The following DLG5 variants were observed in gnomAD, a reference collection of about 807,000 sequenced individuals.
DLG5 encodes the protein disks large homolog 5.
DLG5 carries 48 observed loss-of-function variants against 189.8 expected under a neutral mutation model. That is an observed-to-expected ratio of 0.25 (90% confidence interval 0.20 to 0.32). The LOEUF is 0.32. DLG5 is among the 10% of genes least tolerant of loss of function. The pLI, the probability that DLG5 is intolerant of heterozygous loss-of-function variation, is 1.00. For missense variants in DLG5, 2,160 were observed against 2,544.7 expected (o/e 0.85, Z 3.25); for synonymous variants, 1,016 against 1,054.1 (o/e 0.96, Z 0.70).
chr10:77,837,749 T>C (rs944479018), intron 7 of DLG5, among the ~76,000 whole-genome samples: 1 of 152,222 alleles, frequency 6.6e-6, no homozygotes, highest in Non-Finnish European at 1.5e-5. Flanking sequence ...CTGGCTCCTC[T>C]ACCCCAGGCT....
intron 1 of DLG5, among the ~76,000 whole-genome samples, chr10:77,919,448 C>T (rs1319873688): frequency 1.3e-5 from 2 of 151,334 alleles, no homozygotes; most frequent in African/African-American, 4.9e-5. Flanking sequence ...CAGGAATGAG[C>T]AAGTCTCCCG....
chr10:77,807,021 T>C, intron 25 of DLG5, 93 bp from the exon 26 acceptor site: 1 of 1,429,700 alleles, frequency 7.0e-7, no homozygotes, highest in Non-Finnish European at 9.6e-7. Context: ...AAGGCTGCCA[T>C]TCTGCTTTGG....
chr10:77,937,318 C>A, the DLG5 span, among the ~76,000 whole-genome samples: 1 of 152,220 alleles, frequency 6.6e-6, no homozygotes, highest in Non-Finnish European at 1.5e-5. Flanking sequence ...CTGACCTTGC[C>A]TTTCCCTCCC....
intron 1 of DLG5, among the ~76,000 whole-genome samples, chr10:77,880,066 G>A (rs1193122012): frequency 6.6e-6 from 1 of 152,180 alleles, no homozygotes; most frequent in African/African-American, 2.4e-5. Flanking sequence ...GAATGAACCT[G>A]AGCATGCAGG....
At chr10:77,827,522 C>T (rs926785977) in intron 13 of DLG5, among the ~76,000 whole-genome samples, 6 of 152,192 alleles carry the variant, frequency 3.9e-5, no homozygotes, top group African/African-American at 9.6e-5. Context: ...CACCGTGCCC[C>T]GCTGGCATTT....
chr10:77,857,030 T>G (rs1014675597), intron 2 of DLG5, 138 bp from the exon 3 acceptor site: 1 of 748,490 alleles, frequency 1.3e-6, no homozygotes, highest in African/African-American at 1.8e-5. Flanking sequence ...CTTTCACAGA[T>G]GAGAACACTG....
At chr10:77,874,035 G>A (rs750668216) in intron 1 of DLG5, among the ~76,000 whole-genome samples, 5 of 152,224 alleles carry the variant, frequency 3.3e-5, no homozygotes, top group Non-Finnish European at 4.4e-5. Context: ...CAGAATGACC[G>A]AAGGTGCCCA....
chr10:77,811,050 A>C, intron 23 of DLG5, 44 bp downstream of exon 23: 1 of 1,589,882 alleles, frequency 6.3e-7, no homozygotes. Context: ...AGCCCCACCC[A>C]GCCGAAGCGG....
intron 2 of DLG5, among the ~76,000 whole-genome samples, chr10:77,858,356 C>T (rs1354347005): frequency 2.0e-5 from 3 of 151,890 alleles, no homozygotes; most frequent in Non-Finnish European, 4.4e-5. Context: ...AAAAATTAGC[C>T]AAGAGTGGTG....
intron 1 of DLG5, among the ~76,000 whole-genome samples, chr10:77,888,533 C>T (rs757415516): frequency 3.3e-5 from 5 of 152,132 alleles, no homozygotes; most frequent in African/African-American, 4.8e-5. Flanking sequence ...CGGAGCTTTG[C>T]GACATAGTTT....
intron 1 of DLG5, among the ~76,000 whole-genome samples, chr10:77,887,118 C>A (rs1005827595): frequency 2.0e-5 from 3 of 152,196 alleles, no homozygotes; most frequent in Non-Finnish European, 4.4e-5. Context: ...CACCCACATA[C>A]ACTATCTCAC....
the DLG5 span, among the ~76,000 whole-genome samples, chr10:77,935,113 C>T: frequency 1.8e-4 from 28 of 152,136 alleles, 1 homozygote; most frequent in African/African-American, 6.3e-4. Flanking sequence ...GCCTCGGCGT[C>T]CCAAAGTGCT....
intron 1 of DLG5, among the ~76,000 whole-genome samples, chr10:77,887,516 G>GA (rs1377363876): frequency 4.7e-5 from 7 of 150,490 alleles, no homozygotes; most frequent in East Asian, 1.9e-4. Flanking sequence ...TTGGTAGTCA[G>GA]AAAAAAAAAT....
intron 1 of DLG5, among the ~76,000 whole-genome samples, chr10:77,908,086 A>T (rs550788215): frequency 4.5e-4 from 69 of 152,244 alleles, no homozygotes; most frequent in African/African-American, 1.6e-3. Context: ...TGAGGACATG[A>T]GGCCTGGAAA....
At position 77,821,269 on chromosome 10, in the gene DLG5, C is replaced by T. The variant is rs144032881; in HGVS notation, c.3215G>A (p.Arg1072His). ...TTCAGGGTAGTAGCTGGAAGCAATG[C>T]GGACCCTGGCCTTGCGAGGGGGTGA... ...HASPPRKARV[R>H]IASSYYPEGD... Residue 1072 changes from arginine to histidine, a missense_variant, in exon 15 of 32, where the codon CGC (arginine) becomes CAC (histidine). Around this residue, in one of 5 missense-constraint regions of DLG5, gnomAD observed 754 missense variants for 746.5 expected, o/e 1.01. Transcript: ENST00000372391. The T allele has an allele frequency of 3.5e-5, 57 of 1,613,852 alleles. 1 individual carries two copies. In the East Asian group the frequency reaches 9.6e-4, roughly 27 times the overall value.
chr10:77,908,751 C>T (rs938139445), intron 1 of DLG5, among the ~76,000 whole-genome samples: 2 of 152,042 alleles, frequency 1.3e-5, no homozygotes, highest in African/African-American at 4.8e-5. Context: ...ACTAGATACC[C>T]ACTTGTTCAA....
intron 27 of DLG5, among the ~76,000 whole-genome samples, chr10:77,805,009 C>T (rs1264007902): frequency 2.0e-5 from 3 of 152,186 alleles, no homozygotes; most frequent in Admixed American, 2.0e-4. Context: ...CTTGCTCTGT[C>T]ACCCAGGCTG....
chr10:77,821,689 G>C lies in DLG5; in HGVS notation c.2795C>G (p.Ser932Cys), dbSNP rs529901275. ...EVGPCGVGEA[S>C]LDKADSEGSN... ...GCCTTCAGAGTCTGCCTTGTCCAGG[G>C]AGGCCTCCCCAACCCCACAGGGGCC... The change falls in exon 15 of 32, where the codon TCC (serine) becomes TGC (cysteine). Residue 932 changes from serine (S) to cysteine (C), a missense_variant. Physicochemically the swap from Ser to Cys is moderately radical, Grantham distance 112 (BLOSUM62 -1). Coordinates refer to ENST00000372391, the MANE Select transcript of DLG5 (RefSeq NM_004747.4). 2.0e-4 allele frequency: 320 copies of C among 1,612,506 alleles called. 8 individuals are homozygous for C. The South Asian group carries it at 3.3e-3, about 17-fold the overall frequency.
intron 23 of DLG5, among the ~76,000 whole-genome samples, chr10:77,810,446 G>C (rs1438089687): frequency 6.6e-6 from 1 of 152,204 alleles, no homozygotes; most frequent in Non-Finnish European, 1.5e-5. Context: ...GCTCCTCCAG[G>C]ACGGCAGAGT....
Sources: allele counts gnomAD v4.1 joint callset (sites outside exome capture counted in the v4.1 genomes callset), GRCh38; gene constraint gnomAD v4.1.1; regional missense constraint gnomAD v4.1.1; transcripts MANE v1.5; gene names NCBI Gene and HGNC (gene_info 2026-07-23, HGNC 2026-07-21).